C13orf46: variants seen among roughly 807,000 people sequenced by gnomAD.
The protein encoded by C13orf46 is uncharacterized protein C13orf46.
At position 113,961,672 on chromosome 13, in the gene C13orf46, A is replaced by C. The variant is rs1037944177; in HGVS notation, c.572+3255T>G. Among the ~76,000 whole-genome samples, 1,433 of 152,272 alleles carry C rather than the reference A, an allele frequency of 9.4e-3. 24 individuals carry two copies. The highest frequency in any genetic ancestry group is 9.6e-3 in the Non-Finnish European group (653 of 68,016). On this transcript the variant is annotated intron_variant, in intron 6 of 6. Coordinates refer to ENST00000636427, the MANE Select transcript of C13orf46 (RefSeq NM_001365455.2). ...GTGGGAAATATTAAGAGCACAATTA[A>C]TGACATAATATACAAAAGTGGTTCC...
intron 5 of C13orf46, among the ~76,000 whole-genome samples, chr13:113,965,902 A>C (rs2052637355): frequency 6.9e-6 from 1 of 145,634 alleles, no homozygotes; most frequent in Non-Finnish European, 1.5e-5. Context: ...GATGGTGATG[A>C]TGGCGATGGT....
downstream of C13orf46, among the ~76,000 whole-genome samples, chr13:113,949,931 C>T (rs1159915913): frequency 2.0e-5 from 3 of 151,492 alleles, no homozygotes; most frequent in Admixed American, 6.6e-5. Flanking sequence ...CCTCAGTGCT[C>T]CCATCTGGAG....
At chr13:113,928,155 A>G in the C13orf46 span, 8 of 152,258 alleles carry the variant, frequency 5.3e-5, no homozygotes, top group African/African-American at 1.9e-4. Flanking sequence ...ATTCAGCACT[A>G]CTGCAGATCC....
downstream of C13orf46, among the ~76,000 whole-genome samples, chr13:113,950,213 G>A (rs1234582688): frequency 3.1e-5 from 4 of 128,128 alleles, no homozygotes; most frequent in Non-Finnish European, 4.8e-5. Flanking sequence ...CCCCTGCCTT[G>A]GGAACCTCGG....
chr13:113,947,298 G>A, the C13orf46 span, among the ~76,000 whole-genome samples: 15,258 of 152,244 alleles, frequency 0.1, 994 homozygotes, highest in Middle Eastern at 0.14. Context: ...TGGAGCAACT[G>A]GGAGTAAAAT....
chr13:113,942,449 C>T, the C13orf46 span, among the ~76,000 whole-genome samples: 1 of 152,152 alleles, frequency 6.6e-6, no homozygotes, highest in Non-Finnish European at 1.5e-5. Context: ...ACGATTATCC[C>T]CTACAGAGGA....
At chr13:113,969,265 G>C (rs1180916195) in intron 2 of C13orf46, among the ~76,000 whole-genome samples, 1 of 152,258 alleles carries the variant, frequency 6.6e-6, no homozygotes, top group Non-Finnish European at 1.5e-5. Flanking sequence ...GAGGATGACA[G>C]GGGCTCCGCC....
the C13orf46 span, among the ~76,000 whole-genome samples, chr13:113,943,737 T>C: frequency 6.6e-6 from 1 of 152,276 alleles, no homozygotes; most frequent in East Asian, 1.9e-4. Flanking sequence ...TACGCTCTGT[T>C]GGTGGGTGAT....
the C13orf46 span, among the ~76,000 whole-genome samples, chr13:113,945,459 G>A: frequency 6.6e-6 from 1 of 151,702 alleles, no homozygotes; most frequent in South Asian, 2.1e-4. Flanking sequence ...GCAGGAGAAT[G>A]GCGTGAACCC....
At chr13:113,951,403 G>GTGGAC (rs1157408847), downstream of C13orf46, among the ~76,000 whole-genome samples, 1 of 152,064 alleles carries the variant, frequency 6.6e-6, no homozygotes, top group African/African-American at 2.4e-5. Flanking sequence ...ACGTCCCTTC[G>GTGGAC]TGGACTGCGT....
chr13:113,945,939 T>C, the C13orf46 span, among the ~76,000 whole-genome samples: 2 of 152,218 alleles, frequency 1.3e-5, no homozygotes, highest in African/African-American at 4.8e-5. Context: ...CTCTGTGGGC[T>C]GGAGTGCAGG....
rs1864814320 is a variant in C13orf46 at position 113,954,429 on chromosome 13, C to T, written c.*2344G>A. On this transcript the variant is annotated 3_prime_UTR_variant, in exon 7 of 7. Transcript: ENST00000636427. Reference sequence around the variant, plus strand: ...TCTTACAGGCATGTCCTGGAGCCCCCCACACCCCTAGGAAGACTCCCTCTC... The same window carrying T: ...TCTTACAGGCATGTCCTGGAGCCCCTCACACCCCTAGGAAGACTCCCTCTC... 6.6e-6 allele frequency: 1 copy of T among 152,616 alleles called. No individual in the cohort carries two copies. The highest frequency in any genetic ancestry group is 1.5e-5 in the Non-Finnish European group (1 of 68,360). 9.5% of individuals were successfully genotyped at this position (152,616 alleles called of 1,614,324 possible). A position where few individuals can be genotyped will look rare whatever the true frequency, so the allele number is the denominator to read the frequency against.
At chr13:113,947,207 A>G in the C13orf46 span, among the ~76,000 whole-genome samples, 3 of 152,188 alleles carry the variant, frequency 2.0e-5, no homozygotes, top group Non-Finnish European at 4.4e-5. Context: ...TGGTTCCTCA[A>G]TGCTGCTGGA....
chr13:113,946,159 GC>G, the C13orf46 span, among the ~76,000 whole-genome samples: 1 of 152,226 alleles, frequency 6.6e-6, no homozygotes, highest in Admixed American at 6.5e-5. Flanking sequence ...ATTGGTGACG[GC>G]TTTATTTGCG....
chr13:113,941,584 C>T, the C13orf46 span, among the ~76,000 whole-genome samples: 12 of 152,236 alleles, frequency 7.9e-5, no homozygotes, highest in African/African-American at 2.9e-4. Context: ...TGAGGCTGGG[C>T]GTCTGAGACC....
At chr13:113,966,579 AGTG>A (rs2052651553) in intron 5 of C13orf46, among the ~76,000 whole-genome samples, 1 of 146,000 alleles carries the variant, frequency 6.8e-6, no homozygotes, top group East Asian at 2.1e-4. Context: ...TGATAGTGAT[AGTG>A]GTGATGGTGA....
In C13orf46 at chr13:113,965,746, GTGA is replaced by G. The variant is rs1323206421; in HGVS notation, c.505-755_505-753del. On this transcript the variant is annotated intron_variant, in intron 5 of 6. Transcript: ENST00000636427. ...GGTGATGATGGTGAAGGTGATGATG[GTGA>G]TGATGGTGATGGTGATGATGGTGAT... 9.3e-4 allele frequency among the ~76,000 whole-genome samples: 135 copies of G among 145,542 alleles called. 2 individuals carry two copies. The highest frequency in any genetic ancestry group is 3.4e-3 in the African/African-American group (131 of 38,882).
chr13:113,936,587 G>A, the C13orf46 span, among the ~76,000 whole-genome samples: 1 of 152,226 alleles, frequency 6.6e-6, no homozygotes, highest in African/African-American at 2.4e-5. Context: ...CACACGCAGA[G>A]CCGGCTAAAC....
the C13orf46 span, among the ~76,000 whole-genome samples, chr13:113,936,153 C>T: frequency 1.1e-4 from 16 of 152,164 alleles, no homozygotes; most frequent in African/African-American, 3.6e-4. Flanking sequence ...GAGTCATCAG[C>T]CCAGGTGAGT....
Sources: allele counts gnomAD v4.1 joint callset (sites outside exome capture counted in the v4.1 genomes callset), GRCh38; gene constraint gnomAD v4.1.1; transcripts MANE v1.5; gene names NCBI Gene and HGNC (gene_info 2026-07-23, HGNC 2026-07-21).